The following DLG2 variants were observed in gnomAD, a reference collection of about 807,000 sequenced individuals.
The protein encoded by DLG2 is discs large MAGUK scaffold protein 2.
DLG2 carries 45 observed loss-of-function variants against 132.5 expected under a neutral mutation model. The observed-to-expected ratio is 0.34, with a 90% CI of 0.27 to 0.44. DLG2 has a LOEUF of 0.44. Among genes scored for constraint, DLG2 ranks in the 20% least tolerant of loss-of-function variants. The probability of loss-of-function intolerance (pLI) is 1.00; values close to 1 mark genes in which losing one functional copy is unlikely to be tolerated. For synonymous variants in DLG2, 424 were observed against 419.6 expected (o/e 1.01, Z -0.13); for missense variants, 1,045 against 1,196.9 (o/e 0.87, Z 1.87).
intron 7 of DLG2, among the ~76,000 whole-genome samples, chr11:84,421,763 T>C (rs2098951694): frequency 1.3e-5 from 2 of 152,226 alleles, no homozygotes; most frequent in Admixed American, 1.3e-4. Context: ...CTTGTGTACC[T>C]GCTCTGCTCA....
intron 18 of DLG2, among the ~76,000 whole-genome samples, chr11:83,724,214 G>T (rs2153689781): frequency 6.6e-6 from 1 of 152,140 alleles, no homozygotes; most frequent in East Asian, 1.9e-4. Flanking sequence ...GTTTCCCAAG[G>T]TTGCACAGTT....
At chr11:85,362,707 A>T (rs1291457960) in intron 3 of DLG2, among the ~76,000 whole-genome samples, 3 of 152,120 alleles carry the variant, frequency 2.0e-5, no homozygotes, top group African/African-American at 7.2e-5. Flanking sequence ...CCTTTTAGTA[A>T]ATAAATGAAA....
At chr11:84,482,952 G>T (rs1274569537) in intron 7 of DLG2, among the ~76,000 whole-genome samples, 1 of 152,160 alleles carries the variant, frequency 6.6e-6, no homozygotes, top group Non-Finnish European at 1.5e-5. Flanking sequence ...GGAGAAAAAT[G>T]TTGACTATGG....
intron 9 of DLG2, among the ~76,000 whole-genome samples, chr11:84,131,428 A>C (rs1018958845): frequency 1.3e-5 from 2 of 152,058 alleles, no homozygotes; most frequent in African/African-American, 4.8e-5. Flanking sequence ...GTATACACAC[A>C]CATACATAAA....
At chr11:84,886,490 T>A (rs4486658) in intron 6 of DLG2, among the ~76,000 whole-genome samples, 64,614 of 151,920 alleles carry the variant, frequency 0.43, 14,182 homozygotes, top group Middle Eastern at 0.45. Context: ...CTTGAAGAAA[T>A]GACTATGCTT....
At chr11:84,914,952 A>G (rs1308253130) in intron 6 of DLG2, among the ~76,000 whole-genome samples, 4 of 152,212 alleles carry the variant, frequency 2.6e-5, no homozygotes, top group African/African-American at 9.6e-5. Flanking sequence ...GTAAGTGGGT[A>G]GGCTAAATCC....
chr11:83,522,879 A>G (rs2095519089), intron 21 of DLG2, among the ~76,000 whole-genome samples: 1 of 150,572 alleles, frequency 6.6e-6, no homozygotes, highest in African/African-American at 2.4e-5. Flanking sequence ...ACATATTGGA[A>G]GCTGTTGCTG....
intron 6 of DLG2, among the ~76,000 whole-genome samples, chr11:84,916,593 T>A (rs2092485247): frequency 1.3e-5 from 2 of 152,116 alleles, no homozygotes; most frequent in African/African-American, 2.4e-5. Flanking sequence ...TTCAACATAT[T>A]TCCCCTGGAT....
At chr11:85,461,531 T>A (rs1437360072) in intron 3 of DLG2, among the ~76,000 whole-genome samples, 1 of 152,038 alleles carries the variant, frequency 6.6e-6, no homozygotes, top group Non-Finnish European at 1.5e-5. Flanking sequence ...ATACTGAGAG[T>A]GAGAGAAGTC....
intron 3 of DLG2, among the ~76,000 whole-genome samples, chr11:85,560,907 T>C (rs2077199929): frequency 6.6e-6 from 1 of 151,268 alleles, no homozygotes; most frequent in Non-Finnish European, 1.5e-5. Flanking sequence ...TGGTGTGTGC[T>C]TGTAATCCCA....
intron 6 of DLG2, among the ~76,000 whole-genome samples, chr11:84,538,339 C>G (rs143644181): frequency 1.3e-5 from 2 of 152,302 alleles, no homozygotes; most frequent in Admixed American, 6.5e-5. Context: ...TGTCCCCATC[C>G]AAATTCATGG....
At chr11:83,784,825 C>A (rs1483043662) in intron 18 of DLG2, among the ~76,000 whole-genome samples, 1 of 152,134 alleles carries the variant, frequency 6.6e-6, no homozygotes, top group Non-Finnish European at 1.5e-5. Context: ...ATGATTCTAA[C>A]CATCTTATCG....
intron 6 of DLG2, among the ~76,000 whole-genome samples, chr11:84,780,777 G>T (rs947029340): frequency 6.6e-6 from 1 of 152,132 alleles, no homozygotes; most frequent in Non-Finnish European, 1.5e-5. Context: ...AGTAACAAAT[G>T]ATACTATTAT....
rs2094428167 is a variant in DLG2, at chr11:84,131,648, G to T, written c.624+31813C>A. Among the ~76,000 whole-genome samples, 4 of 151,982 alleles carry T rather than the reference G, an allele frequency of 2.6e-5. No homozygotes were observed. In the South Asian group the frequency reaches 8.3e-4, roughly 31 times the overall value. On this transcript the variant is annotated intron_variant, in intron 9 of 27. Transcript: ENST00000376104. ...GGGTCATGGGAGATGCAGATGGAAA[G>T]GTGACTCAGTTGTAATCACAATGGG...
At chr11:84,926,050 T>C (rs1465580610) in intron 6 of DLG2, among the ~76,000 whole-genome samples, 2 of 152,098 alleles carry the variant, frequency 1.3e-5, no homozygotes, top group Non-Finnish European at 2.9e-5. Flanking sequence ...ACACATTCCA[T>C]TGGGAATTGT....
At chr11:85,032,552 T>C (rs1425192846) in intron 6 of DLG2, among the ~76,000 whole-genome samples, 1 of 152,182 alleles carries the variant, frequency 6.6e-6, no homozygotes, top group East Asian at 1.9e-4. Flanking sequence ...CTCTTTGTAA[T>C]TTGATAAGTG....
intron 21 of DLG2, among the ~76,000 whole-genome samples, chr11:83,515,924 T>C (rs2095276213): frequency 6.6e-6 from 1 of 152,246 alleles, no homozygotes; most frequent in Admixed American, 6.5e-5. Context: ...TTACATTTGC[T>C]GAGGAGTGCT....
chr11:84,748,576 T>C (rs941595841), intron 6 of DLG2, among the ~76,000 whole-genome samples: 9 of 152,312 alleles, frequency 5.9e-5, no homozygotes, highest in East Asian at 1.9e-4. Flanking sequence ...TAGATATTCA[T>C]TTGCTTATTT....
chr11:84,296,429 T>C (rs1294410211), intron 7 of DLG2, among the ~76,000 whole-genome samples: 1 of 152,078 alleles, frequency 6.6e-6, no homozygotes, highest in African/African-American at 2.4e-5. Flanking sequence ...GTTCCAGAGA[T>C]GTACTTATGA....
Sources: allele counts gnomAD v4.1 joint callset (sites outside exome capture counted in the v4.1 genomes callset), GRCh38; gene constraint gnomAD v4.1.1; transcripts MANE v1.5; gene names NCBI Gene and HGNC (gene_info 2026-07-23, HGNC 2026-07-21).